Variants in ATP1B3 observed in about 807,000 individuals in gnomAD.
ATP1B3 encodes the protein ATPase Na+/K+ transporting subunit beta 3.
In ATP1B3, 10 loss-of-function variants were observed where a neutral mutation model predicts 30.2. That is an observed-to-expected ratio of 0.33 (90% CI 0.20 to 0.56). ATP1B3 has a LOEUF of 0.56. ATP1B3 is among the 20% of genes least tolerant of loss of function. The pLI is 0.90. For missense variants in ATP1B3, 238 were observed against 336.7 expected (o/e 0.71, Z 2.29); for synonymous variants, 113 against 117.0 (o/e 0.97, Z 0.22).
At chr3:141,903,598 T>C (rs1471001457) in intron 1 of ATP1B3, 22 bp from the exon 2 acceptor site, 9 of 1,612,314 alleles carry the variant, frequency 5.6e-6, no homozygotes, top group Non-Finnish European at 5.9e-6. Context: ...GCACATTTCA[T>C]AAGTTTTATT....
chr3:141,915,548 A>T (rs145780607), intron 4 of ATP1B3, among the ~76,000 whole-genome samples: 1 of 152,204 alleles, frequency 6.6e-6, no homozygotes, highest in Non-Finnish European at 1.5e-5. Context: ...TGGGGCCCTC[A>T]TGGAAACACG....
Position 141,915,988 on chromosome 3 carries a change from G to A in ATP1B3, c.550G>A (p.Glu184Lys), listed in dbSNP as rs913516162. 2 of 1,607,498 alleles carry A rather than the reference G, an allele frequency of 1.2e-6. No individual in the cohort carries two copies. The highest frequency in any genetic ancestry group is 2.7e-5 in the African/African-American group (2 of 74,924). Reference sequence around the variant, plus strand: ...ACCTTAGATAATTGGATTAAAGCCTGAAGGAGTGCCAAGGATAGATTGTGT... The same window carrying A: ...ACCTTAGATAATTGGATTAAAGCCTAAAGGAGTGCCAAGGATAGATTGTGT... ...KMNRIIGLKP[E>K]GVPRIDCVSK... Residue 184 changes from glutamate (E) to lysine (K), a missense_variant, in exon 5 of 7, where the codon GAA becomes AAA. Physicochemically the swap from Glu to Lys is moderately conservative, Grantham distance 56. Transcript: ENST00000286371.
intron 6 of ATP1B3, among the ~76,000 whole-genome samples, chr3:141,925,248 T>C (rs1189949529): frequency 6.6e-6 from 1 of 152,104 alleles, no homozygotes; most frequent in African/African-American, 2.4e-5. Flanking sequence ...GGAAGGGCCA[T>C]TTGAAGCGAG....
At chr3:141,923,707 T>C (rs550993220) in intron 6 of ATP1B3, among the ~76,000 whole-genome samples, 73 of 152,376 alleles carry the variant, frequency 4.8e-4, no homozygotes, top group African/African-American at 1.7e-3. Flanking sequence ...ATCCCAGATG[T>C]CACACTGTTA....
At chr3:141,904,703 CTTTTTTTTTTT>C (rs35178202) in intron 2 of ATP1B3, among the ~76,000 whole-genome samples, 1 of 89,376 alleles carries the variant, frequency 1.1e-5, no homozygotes, top group African/African-American at 4.5e-5. Flanking sequence ...TTTAAACAGT[CTTTTTTTTTTT>C]TTTTTTTTTT....
chr3:141,897,544 G>T (rs1227077725), intron 1 of ATP1B3, among the ~76,000 whole-genome samples: 3 of 152,102 alleles, frequency 2.0e-5, no homozygotes, highest in South Asian at 4.1e-4. Context: ...AGAGATACTG[G>T]TCTATTTCTT....
chr3:141,916,116 C>G, intron 5 of ATP1B3, 96 bp downstream of exon 5: 1 of 1,155,626 alleles, frequency 8.7e-7, no homozygotes, highest in Non-Finnish European at 1.2e-6. Flanking sequence ...TCTTCCCTGT[C>G]ACATTTTAAA....
intron 1 of ATP1B3, among the ~76,000 whole-genome samples, chr3:141,885,880 AACAC>A (rs146684460): frequency 0.043 from 6,151 of 141,606 alleles, 159 homozygotes; most frequent in African/African-American, 0.069. Context: ...GCTGCGTTAA[AACAC>A]ACACACACAC....
intron 4 of ATP1B3, 30 bp downstream of exon 4, chr3:141,913,866 T>C (rs746460077): frequency 6.4e-7 from 1 of 1,555,896 alleles, no homozygotes; most frequent in South Asian, 1.2e-5. Context: ...CTGCTGCTGC[T>C]TTTTTCTAAT....
At chr3:141,921,733 G>C (rs1308846097) in intron 5 of ATP1B3, 4 of 285,858 alleles carry the variant, frequency 1.4e-5, no homozygotes, top group Non-Finnish European at 2.6e-5. Context: ...TCATGAAAGA[G>C]AGTATAGAGT....
intron 1 of ATP1B3, among the ~76,000 whole-genome samples, chr3:141,880,043 G>A (rs927330490): frequency 6.6e-6 from 1 of 151,878 alleles, no homozygotes; most frequent in Non-Finnish European, 1.5e-5. Flanking sequence ...ATTCATTTAA[G>A]ATGTTTCCTG....
rs540827277 is a variant in ATP1B3, at chr3:141,917,656, T to G, written c.582+1636T>G. ...TTGCAGTGAGCTGAGATCACACTTC[T>G]GCACTCCAGCCTGTTGGCAGAGTGA... is the stretch of plus-strand genomic sequence containing the variant. On this transcript the variant is annotated intron_variant, in intron 5 of 6. Transcript: ENST00000286371. Among the ~76,000 whole-genome samples the G allele has an allele frequency of 1.5e-3, 221 of 152,168 alleles. 1 individual carries two copies. The highest frequency in any genetic ancestry group is 5.3e-3 in the African/African-American group (219 of 41,524).
chr3:141,905,367 A>G (rs763313650), intron 2 of ATP1B3, among the ~76,000 whole-genome samples: 4 of 152,158 alleles, frequency 2.6e-5, no homozygotes, highest in Non-Finnish European at 5.9e-5. Context: ...AATAGAGGCC[A>G]GGGATGTTGC....
chr3:141,920,562 A>G (rs1014827891), intron 5 of ATP1B3, among the ~76,000 whole-genome samples: 8 of 152,196 alleles, frequency 5.3e-5, no homozygotes, highest in African/African-American at 1.9e-4. Context: ...ACATACTCCA[A>G]GATACTCAGT....
At chr3:141,925,387 T>G in intron 6 of ATP1B3, 144 bp from the exon 7 acceptor site, 1 of 781,632 alleles carries the variant, frequency 1.3e-6, no homozygotes, top group African/African-American at 1.8e-5. Context: ...TGGTTGAGGC[T>G]TCAATGAGCC....
intron 3 of ATP1B3, among the ~76,000 whole-genome samples, chr3:141,910,183 GC>G (rs1934335032): frequency 6.6e-6 from 1 of 152,014 alleles, no homozygotes; most frequent in East Asian, 1.9e-4. Context: ...TGTTGCCCAG[GC>G]TGGTCTTGAA....
At chr3:141,903,889 C>G (rs1363936134) in intron 2 of ATP1B3, 141 bp downstream of exon 2, 10 of 947,320 alleles carry the variant, frequency 1.1e-5, no homozygotes, top group Non-Finnish European at 1.5e-5. Flanking sequence ...TCAAGCGATT[C>G]TCCTGCCTCC....
chr3:141,921,708 T>G (rs1934566755), intron 5 of ATP1B3: 2 of 218,168 alleles, frequency 9.2e-6, no homozygotes, highest in Admixed American at 6.4e-5. Context: ...AGTACATGAG[T>G]TAAAGAAGGG....
At chr3:141,885,880 AACACACACAC>A (rs146684460) in intron 1 of ATP1B3, among the ~76,000 whole-genome samples, 2,557 of 141,718 alleles carry the variant, frequency 0.018, 74 homozygotes, top group African/African-American at 0.062. Flanking sequence ...GCTGCGTTAA[AACACACACAC>A]ACACACACAC....
Sources: allele counts gnomAD v4.1 joint callset (sites outside exome capture counted in the v4.1 genomes callset), GRCh38; gene constraint gnomAD v4.1.1; transcripts MANE v1.5; gene names NCBI Gene and HGNC (gene_info 2026-07-23, HGNC 2026-07-21).